C15orf61: variants seen among roughly 807,000 people sequenced by gnomAD.
The protein encoded by C15orf61 is uncharacterized protein C15orf61.
C15orf61 carries 12 observed loss-of-function variants against 13.7 expected under a neutral mutation model. The observed-to-expected ratio is 0.88, with a 90% CI of 0.56 to 1.42. C15orf61 has a LOEUF of 1.42. C15orf61 is among the 40% of genes most tolerant of loss of function. The pLI is 0.00. For synonymous variants in C15orf61, 92 were observed against 94.1 expected (o/e 0.98, Z 0.13); for missense variants, 248 against 213.2 (o/e 1.16, Z -1.02).
At chr15:67,522,218 T>G (rs2084170604) in intron 1 of C15orf61, 1 of 701,296 alleles carries the variant, frequency 1.4e-6, no homozygotes, top group South Asian at 1.5e-5. Context: ...TTTATTTTCT[T>G]TTGGTTTAAT....
rs1567253711 is a variant in C15orf61 at position 67,526,404 on chromosome 15, C to T, written c.347-14C>T. On this transcript the variant is annotated splice_polypyrimidine_tract_variant and intron_variant, in intron 1 of 1. Coordinates refer to ENST00000342683, the MANE Select transcript of C15orf61 (RefSeq NM_001143936.2). ...ATAAGCATTGATGTTTATACATATT[C>T]GTTTGTTTTCTAGGTATTCCAACTT... The T allele has an allele frequency of 1.3e-6, 2 of 1,485,772 alleles. No individual in the cohort carries two copies. Among genetic ancestry groups the T allele is most frequent in the Non-Finnish European group, 1.8e-6 (2 of 1,093,934 alleles). The allele number at this position is 1,485,772 out of a possible 1,614,324, so 92.0% of individuals were successfully genotyped here.
At chr15:67,523,697 G>A (rs1485637324) in intron 1 of C15orf61, among the ~76,000 whole-genome samples, 6 of 152,098 alleles carry the variant, frequency 3.9e-5, no homozygotes, top group Admixed American at 3.9e-4. Flanking sequence ...GATGTTACAT[G>A]TTTCAGATAT....
At position 67,525,044 on chromosome 15, in the gene C15orf61, C is replaced by A. The variant is rs2140928138; in HGVS notation, c.347-1374C>A. Among the ~76,000 whole-genome samples, 1 of 152,274 alleles carries A rather than the reference C, an allele frequency of 6.6e-6. No individual in the cohort carries two copies. Among genetic ancestry groups the A allele is most frequent in the Middle Eastern group, 3.4e-3 (1 of 294 alleles). On this transcript the variant is annotated intron_variant, in intron 1 of 1. Coordinates refer to ENST00000342683, the MANE Select transcript of C15orf61 (RefSeq NM_001143936.2). This position sits in a 1 kb window ranked among gnomAD's most constrained non-coding sequence, Gnocchi z 4.9. ...AGAGACGGGGTTTCTCCATGTTGGTCAGGCTGGTCTCGAACTCCCAACCTC... is the reference window on the plus strand; with the variant it reads ...AGAGACGGGGTTTCTCCATGTTGGTAAGGCTGGTCTCGAACTCCCAACCTC...
Position 67,521,281 on chromosome 15 carries a change from G to A in C15orf61, c.33G>A (p.Ala11=). 1.4e-6 allele frequency: 2 copies of A among 1,453,084 alleles called. No homozygotes were observed. Among genetic ancestry groups the A allele is most frequent in the Non-Finnish European group, 1.8e-6 (2 of 1,105,538 alleles). 90.0% of individuals were successfully genotyped at this position (1,453,084 alleles called of 1,614,324 possible). A position where few individuals can be genotyped will look rare whatever the true frequency, so the allele number is the denominator to read the frequency against. The part of the protein sequence containing the change: MEALRRAHEV[A]LRLLLCRPWA... ...CCCTGAGGAGGGCCCACGAGGTCGCGCTCCGCCTGCTGCTGTGTAGGCCGT... is the reference window on the plus strand; with the variant it reads ...CCCTGAGGAGGGCCCACGAGGTCGCACTCCGCCTGCTGCTGTGTAGGCCGT... Residue 11 remains alanine (A), a synonymous_variant, in exon 1 of 2, where the codon GCG becomes GCA. Transcript: ENST00000342683.
In C15orf61 at chr15:67,529,620, C is replaced by A. The variant is rs1170464315; in HGVS notation, c.*3075C>A. The A allele has an allele frequency of 6.6e-6, 1 of 152,208 alleles. No homozygotes were observed. The highest frequency in any genetic ancestry group is 1.5e-5 in the Non-Finnish European group (1 of 68,086). 9.4% of individuals were successfully genotyped at this position (152,208 alleles called of 1,614,324 possible). On this transcript the variant is annotated 3_prime_UTR_variant, in exon 2 of 2. Transcript: ENST00000342683. The surrounding 1 kb of genome is among the most constrained non-coding windows in gnomAD (Gnocchi z 4.4). ...GTATTTTCTGTACAGACGGTTTCACCATGTTGGTCAGGCTGGTCTTGAACT... is the reference window on the plus strand; with the variant it reads ...GTATTTTCTGTACAGACGGTTTCACAATGTTGGTCAGGCTGGTCTTGAACT...
chr15:67,521,655 C>A, intron 1 of C15orf61, 61 bp downstream of exon 1: 1 of 1,378,982 alleles, frequency 7.3e-7, no homozygotes. Context: ...GCCCCTCAGC[C>A]ACCGAGCACG....
In C15orf61 at chr15:67,529,961, T is replaced by C. The variant is rs2084220099; in HGVS notation, c.*3416T>C. 1 of 152,266 alleles carries C rather than the reference T, an allele frequency of 6.6e-6. No individual in the cohort carries two copies. 9.4% of individuals were successfully genotyped at this position (152,266 alleles called of 1,614,324 possible). ...CTTATCCTAAAGCTAGTGGATTAAG[T>C]ATCTACTGTTACTCAAACAATAATG... On this transcript the variant is annotated 3_prime_UTR_variant, in exon 2 of 2. Coordinates refer to ENST00000342683, the MANE Select transcript of C15orf61 (RefSeq NM_001143936.2). The surrounding 1 kb of genome is among the most constrained non-coding windows in gnomAD (Gnocchi z 4.4).
Position 67,529,669 on chromosome 15 carries a change from C to A in C15orf61, c.*3124C>A, listed in dbSNP as rs1317530758. On this transcript the variant is annotated 3_prime_UTR_variant, in exon 2 of 2. Transcript: ENST00000342683. This position sits in a 1 kb window ranked among gnomAD's most constrained non-coding sequence, Gnocchi z 4.4. ...CTCCTGATCTCAGGTGATCTGCCGG[C>A]CTCGGCCTCCCAAAGTGCTGGGATT... 1 of 152,256 alleles carries A rather than the reference C, an allele frequency of 6.6e-6. No individual in the cohort carries two copies. Among genetic ancestry groups the A allele is most frequent in the African/African-American group, 2.4e-5 (1 of 41,460 alleles). The allele number at this position is 152,256 out of a possible 1,614,324, so 9.4% of individuals were successfully genotyped here. A position where few individuals can be genotyped will look rare whatever the true frequency, so the allele number is the denominator to read the frequency against.
rs574159816 is a variant in C15orf61 at position 67,528,589 on chromosome 15, C to T, written c.*2044C>T. 6.6e-6 allele frequency: 1 copy of T among 152,140 alleles called. No individual in the cohort carries two copies. Among genetic ancestry groups the T allele is most frequent in the Non-Finnish European group, 1.5e-5 (1 of 68,026 alleles). The allele number at this position is 152,140 out of a possible 1,614,324, so 9.4% of individuals were successfully genotyped here. A position where few individuals can be genotyped will look rare whatever the true frequency, so the allele number is the denominator to read the frequency against. ...GTAAACTTGTAGTCTGAAAACAATA[C>T]TTCCCATTGAACAGCAATGGTTTAA... On this transcript the variant is annotated 3_prime_UTR_variant, in exon 2 of 2. Transcript: ENST00000342683.
At chr15:67,524,430 A>G (rs898443232) in intron 1 of C15orf61, among the ~76,000 whole-genome samples, 6 of 150,864 alleles carry the variant, frequency 4.0e-5, no homozygotes, top group African/African-American at 1.2e-4. Context: ...AAGTAGCTTT[A>G]TTATTCTAGT....
In C15orf61 at chr15:67,527,850, A is replaced by G. The variant is rs1355082491; in HGVS notation, c.*1305A>G. 1 of 152,218 alleles carries G rather than the reference A, an allele frequency of 6.6e-6. No individual in the cohort carries two copies. Among genetic ancestry groups the G allele is most frequent in the Non-Finnish European group, 1.5e-5 (1 of 68,024 alleles). 9.4% of individuals were successfully genotyped at this position (152,218 alleles called of 1,614,324 possible). A position where few individuals can be genotyped will look rare whatever the true frequency, so the allele number is the denominator to read the frequency against. On this transcript the variant is annotated 3_prime_UTR_variant, in exon 2 of 2. Coordinates refer to ENST00000342683, the MANE Select transcript of C15orf61 (RefSeq NM_001143936.2). ...ACTTGTCTAAAAGCAATTCTAAGTA[A>G]CACTTTAATCAAAGAAGTACTTATG...
chr15:67,525,078 C>T lies in C15orf61; in HGVS notation c.347-1340C>T, dbSNP rs537963174. On this transcript the variant is annotated intron_variant, in intron 1 of 1. Transcript: ENST00000342683. The surrounding 1 kb of genome is among the most constrained non-coding windows in gnomAD (Gnocchi z 4.9). ...CTCGAACTCCCAACCTCAGGTGATC[C>T]GCCTGCTTCGGCCTCCCAAAGTGCT... Among the ~76,000 whole-genome samples, 11 of 152,254 alleles carry T rather than the reference C, an allele frequency of 7.2e-5. No homozygotes were observed. The highest frequency in any genetic ancestry group is 1.5e-4 in the Non-Finnish European group (10 of 68,010).
chr15:67,521,346 C>G lies in C15orf61; in HGVS notation c.98C>G (p.Ser33Trp). The G allele has an allele frequency of 6.5e-7, 1 of 1,535,970 alleles. No individual in the cohort carries two copies. Among genetic ancestry groups the G allele is most frequent in the Non-Finnish European group, 8.7e-7 (1 of 1,145,874 alleles). Residue 33 changes from serine to tryptophan, a missense_variant, in exon 1 of 2, where the codon TCG (serine) becomes TGG (tryptophan). Physicochemically the swap from Ser to Trp is radical, Grantham distance 177. Coordinates refer to ENST00000342683, the MANE Select transcript of C15orf61 (RefSeq NM_001143936.2). ...GCCGCCCGCCCCAAGCCCAGCGCCT[C>G]GGAGGTGCTGACGCGGCATCTGCTG... Reference protein sequence around the residue: ...RAAARPKPSASEVLTRHLLQR... With the variant: ...RAAARPKPSAWEVLTRHLLQR...
Position 67,521,423 on chromosome 15 carries a change from C to A in C15orf61, c.175C>A (p.Arg59Ser). 2 of 1,545,796 alleles carry A rather than the reference C, an allele frequency of 1.3e-6. No individual in the cohort carries two copies. The highest frequency in any genetic ancestry group is 1.4e-5 in the African/African-American group (1 of 73,174). The stretch of plus-strand genomic sequence containing the variant: ...CTTCTGCGTGCCCTACAGCGCCGTC[C>A]GCAACGACCAGTTCGGCCTCTCGCA... ...TSFCVPYSAV[R>S]NDQFGLSHFN... Residue 59 changes from arginine to serine, a missense_variant, in exon 1 of 2, where the codon CGC becomes AGC. Transcript: ENST00000342683.
rs546328594 is a variant in C15orf61 at position 67,521,332 on chromosome 15, C to G, written c.84C>G (p.Pro28=). The G allele has an allele frequency of 1.3e-6, 2 of 1,533,564 alleles. No homozygotes were observed. The highest frequency in any genetic ancestry group is 4.9e-5 in the East Asian group (2 of 40,736). 95.0% of individuals were successfully genotyped at this position (1,533,564 alleles called of 1,614,324 possible). The change falls in exon 1 of 2, where the codon CCC becomes CCG. Residue 28 remains proline, a synonymous_variant. Transcript: ENST00000342683. Reference sequence around the variant, plus strand: ...GGGCCTCGCGCGCCGCCGCCCGCCCCAAGCCCAGCGCCTCGGAGGTGCTGA... The same window carrying G: ...GGGCCTCGCGCGCCGCCGCCCGCCCGAAGCCCAGCGCCTCGGAGGTGCTGA... ...RPWASRAAAR[P]KPSASEVLTR...
intron 1 of C15orf61, 139 bp downstream of exon 1, chr15:67,521,733 T>G (rs1369000858): frequency 5.5e-6 from 5 of 903,058 alleles, no homozygotes; most frequent in Non-Finnish European, 8.1e-6. Context: ...CGGCTTCGCC[T>G]GGGGTCCTTT....
In C15orf61 at chr15:67,521,407, G is replaced by GC; in HGVS notation, c.162dup (p.Tyr55LeufsTer96). 1 of 1,543,502 alleles carries GC rather than the reference G, an allele frequency of 6.5e-7. No homozygotes were observed. The highest frequency in any genetic ancestry group is 8.7e-7 in the Non-Finnish European group (1 of 1,146,526). On this transcript the variant is annotated frameshift_variant, in exon 1 of 2. Coordinates refer to ENST00000342683, the MANE Select transcript of C15orf61 (RefSeq NM_001143936.2). LOFTEE classifies it high-confidence loss of function. Reference sequence around the variant, plus strand: ...TGCCGCACTGGACCTCCTTCTGCGTGCCCTACAGCGCCGTCCGCAACGACC... The same window carrying GC: ...TGCCGCACTGGACCTCCTTCTGCGTGCCCCTACAGCGCCGTCCGCAACGACC...
At chr15:67,523,921 A>G (rs2084184422) in intron 1 of C15orf61, among the ~76,000 whole-genome samples, 1 of 152,226 alleles carries the variant, frequency 6.6e-6, no homozygotes, top group Non-Finnish European at 1.5e-5. Flanking sequence ...GTCAAACAGC[A>G]TCACTGCTAA....
chr15:67,523,954 A>G (rs1038283408), intron 1 of C15orf61, among the ~76,000 whole-genome samples: 1 of 152,224 alleles, frequency 6.6e-6, no homozygotes, highest in African/African-American at 2.4e-5. Flanking sequence ...ATTTTTTAAT[A>G]AGACATAATA....
Sources: allele counts gnomAD v4.1 joint callset (sites outside exome capture counted in the v4.1 genomes callset), GRCh38; gene constraint gnomAD v4.1.1; non-coding constraint Gnocchi (gnomAD v3.1); transcripts MANE v1.5; gene names NCBI Gene and HGNC (gene_info 2026-07-23, HGNC 2026-07-21).